FAM107B: variants seen among roughly 807,000 people sequenced by gnomAD.
FAM107B encodes the protein protein FAM107B.
A neutral mutation model predicts 31.5 loss-of-function variants in FAM107B; 21 were observed. That is an observed-to-expected ratio of 0.67 (90% confidence interval 0.47 to 0.96). FAM107B has a LOEUF of 0.96. Ranked by LOEUF, FAM107B falls within the 40% of genes least tolerant of loss-of-function variation. The pLI is 0.00. For missense variants in FAM107B, 452 were observed against 377.1 expected (o/e 1.20, Z -1.64); for synonymous variants, 157 against 141.5 (o/e 1.11, Z -0.78).
At chr10:14,688,718 C>T (rs1279677599) in intron 1 of FAM107B, among the ~76,000 whole-genome samples, 2 of 152,162 alleles carry the variant, frequency 1.3e-5, no homozygotes, top group Non-Finnish European at 2.9e-5. Flanking sequence ...TACAAGGCGT[C>T]GGTAAACAGA....
chr10:14,771,771 C>T (rs757215013), intron 1 of FAM107B, among the ~76,000 whole-genome samples: 5 of 152,230 alleles, frequency 3.3e-5, no homozygotes, highest in Non-Finnish European at 5.9e-5. Flanking sequence ...CCCTCCTTGG[C>T]TTTCCAAAGC....
At chr10:14,584,600 C>T (rs940543992) in intron 2 of FAM107B, among the ~76,000 whole-genome samples, 11 of 152,184 alleles carry the variant, frequency 7.2e-5, no homozygotes, top group Non-Finnish European at 1.5e-4. Flanking sequence ...CAGGAACACA[C>T]GTGCAGTGCT....
At position 14,571,141 on chromosome 10, in the gene FAM107B, T is replaced by C. The variant is rs564129898; in HGVS notation, c.470-40626A>G. ...ACCTTCTGGCTGTGTCCTCACATGG[T>C]GGACAGCAGGGAGAGTGAGAAAAAA... is the stretch of plus-strand genomic sequence containing the variant. On this transcript the variant is annotated intron_variant, in intron 2 of 4. Coordinates refer to ENST00000181796, the MANE Select transcript of FAM107B (RefSeq NM_031453.4). 1.1e-4 allele frequency among the ~76,000 whole-genome samples: 17 copies of C among 152,210 alleles called. No individual in the cohort carries two copies. The East Asian group carries it at 3.1e-3, about 28-fold the overall frequency.
Position 14,644,833 on chromosome 10 carries a change from T to C in FAM107B, c.469+22801A>G, listed in dbSNP as rs77733672. On this transcript the variant is annotated intron_variant, in intron 2 of 4. Transcript: ENST00000181796. Reference sequence around the variant, plus strand: ...TCGGACAGGAGAGGTCTTTCTTAGATGCTTCCTCTGTCCCATCATCTTCGT... The same window carrying C: ...TCGGACAGGAGAGGTCTTTCTTAGACGCTTCCTCTGTCCCATCATCTTCGT... 4.3e-3 allele frequency among the ~76,000 whole-genome samples: 648 copies of C among 152,352 alleles called. 2 individuals carry two copies. The highest frequency in any genetic ancestry group is 7.0e-3 in the Non-Finnish European group (473 of 68,036).
intron 1 of FAM107B, among the ~76,000 whole-genome samples, chr10:14,765,629 C>G (rs1216765186): frequency 6.6e-6 from 1 of 152,106 alleles, no homozygotes; most frequent in Non-Finnish European, 1.5e-5. Flanking sequence ...GAGGGACAGT[C>G]AGTAATTTTG....
intron 2 of FAM107B, among the ~76,000 whole-genome samples, chr10:14,582,663 C>A (rs1211133186): frequency 6.6e-6 from 1 of 152,104 alleles, no homozygotes; most frequent in Admixed American, 6.5e-5. Flanking sequence ...AGGCGTGAGC[C>A]ACCACACCCA....
chr10:14,522,299 T>A, intron 3 of FAM107B: 1 of 390,306 alleles, frequency 2.6e-6, no homozygotes, highest in Non-Finnish European at 4.6e-6. Flanking sequence ...AGGAGGGCAG[T>A]GAGGGTGGGG....
chr10:14,586,807 A>C (rs1174937063), intron 2 of FAM107B, among the ~76,000 whole-genome samples: 1 of 152,040 alleles, frequency 6.6e-6, no homozygotes, highest in Admixed American at 6.6e-5. Flanking sequence ...CTCCAATTAG[A>C]TCCCAGAGCT....
intron 2 of FAM107B, among the ~76,000 whole-genome samples, chr10:14,625,595 A>G (rs1226573629): frequency 6.6e-6 from 1 of 152,166 alleles, no homozygotes; most frequent in Non-Finnish European, 1.5e-5. Flanking sequence ...ATAGGCATTA[A>G]TGTCGCGTGC....
chr10:14,706,270 G>T (rs1291811644), intron 1 of FAM107B, among the ~76,000 whole-genome samples: 1 of 152,002 alleles, frequency 6.6e-6, no homozygotes, highest in Non-Finnish European at 1.5e-5. Flanking sequence ...GTACCGTGGT[G>T]CAATCATAAC....
chr10:14,525,892 A>G (rs1298855863), intron 3 of FAM107B, among the ~76,000 whole-genome samples: 1 of 152,246 alleles, frequency 6.6e-6, no homozygotes, highest in South Asian at 2.1e-4. Flanking sequence ...CCACCCCCAG[A>G]GTATGAAACA....
intron 1 of FAM107B, among the ~76,000 whole-genome samples, chr10:14,767,059 G>T (rs57474100): frequency 0.11 from 1,803 of 16,748 alleles, 7 homozygotes; most frequent in Non-Finnish European, 0.14. Context: ...TATATATAGA[G>T]AGAGAGAGAG....
intron 2 of FAM107B, among the ~76,000 whole-genome samples, chr10:14,652,388 G>T (rs1853924293): frequency 6.6e-6 from 1 of 152,146 alleles, no homozygotes; most frequent in African/African-American, 2.4e-5. Context: ...TCTCAACTCT[G>T]TCCAGATACG....
At chr10:14,593,399 A>C (rs971570113) in intron 2 of FAM107B, among the ~76,000 whole-genome samples, 12 of 152,196 alleles carry the variant, frequency 7.9e-5, no homozygotes, top group Non-Finnish European at 1.8e-4. Context: ...ATTCTTATTC[A>C]AGAAAGTTTA....
At chr10:14,612,554 C>G (rs976280728) in intron 2 of FAM107B, 3 of 152,218 alleles carry the variant, frequency 2.0e-5, no homozygotes, top group African/African-American at 7.2e-5. Context: ...ACACACATTG[C>G]AGGAAACTGT....
At chr10:14,582,002 C>T (rs1851651162) in intron 2 of FAM107B, among the ~76,000 whole-genome samples, 1 of 152,200 alleles carries the variant, frequency 6.6e-6, no homozygotes, top group Non-Finnish European at 1.5e-5. Flanking sequence ...GTATAGGATG[C>T]TTGCCCAAGT....
At chr10:14,730,200 T>A (rs1335081462) in intron 1 of FAM107B, among the ~76,000 whole-genome samples, 2 of 152,314 alleles carry the variant, frequency 1.3e-5, no homozygotes, top group East Asian at 3.9e-4. Flanking sequence ...GAAATTTAAG[T>A]AAAATAAATT....
intron 1 of FAM107B, among the ~76,000 whole-genome samples, chr10:14,747,205 G>A (rs1325743924): frequency 2.0e-5 from 3 of 151,990 alleles, no homozygotes; most frequent in East Asian, 1.9e-4. Flanking sequence ...ATATTTTATC[G>A]TGGTTCTTAG....
chr10:14,679,900 T>C (rs1217032883), intron 1 of FAM107B, among the ~76,000 whole-genome samples: 2 of 152,226 alleles, frequency 1.3e-5, no homozygotes, highest in African/African-American at 4.8e-5. Context: ...TCTCCCGTGC[T>C]GGATGCTTCC....
Sources: allele counts gnomAD v4.1 joint callset (sites outside exome capture counted in the v4.1 genomes callset), GRCh38; gene constraint gnomAD v4.1.1; transcripts MANE v1.5; gene names NCBI Gene and HGNC (gene_info 2026-07-23, HGNC 2026-07-21).